The following SLC45A4 variants were observed in gnomAD, a reference collection of about 807,000 sequenced individuals.
SLC45A4 encodes the protein polyamine-transporter SLC45A4.
SLC45A4 carries 32 observed loss-of-function variants against 63.7 expected under a neutral mutation model. That is an observed-to-expected ratio of 0.50 (90% CI 0.38 to 0.67). The LOEUF is 0.67. SLC45A4 is among the 30% of genes least tolerant of loss of function. The probability of loss-of-function intolerance (pLI) is 0.00; values close to 1 mark genes in which losing one functional copy is unlikely to be tolerated. For synonymous variants in SLC45A4, 535 were observed against 510.0 expected (o/e 1.05, Z -0.66); for missense variants, 1,027 against 1,157.7 (o/e 0.89, Z 1.64).
At chr8:141,308,006 G>T (rs1004931695) in intron 1 of SLC45A4, 90 bp downstream of exon 1, 1 of 152,564 alleles carries the variant, frequency 6.6e-6, no homozygotes, top group Non-Finnish European at 1.5e-5. Flanking sequence ...TGTGCGGGAG[G>T]TGGGGGTGGG....
chr8:141,299,468 T>C (rs111825517), intron 1 of SLC45A4, among the ~76,000 whole-genome samples: 35 of 152,342 alleles, frequency 2.3e-4, no homozygotes, highest in Non-Finnish European at 2.9e-5. Context: ...CCACCTGAGC[T>C]GTGGGTGTCG....
chr8:141,231,093 T>C (rs1827324291), intron 2 of SLC45A4, among the ~76,000 whole-genome samples: 1 of 152,030 alleles, frequency 6.6e-6, no homozygotes, highest in South Asian at 2.1e-4. Flanking sequence ...AACACTAGTG[T>C]GGGAGAAGCC....
chr8:141,239,194 C>G (rs1386475687), intron 2 of SLC45A4, among the ~76,000 whole-genome samples: 1 of 152,112 alleles, frequency 6.6e-6, no homozygotes. Flanking sequence ...ATTATTCCTG[C>G]CAAAAAGGAA....
intron 1 of SLC45A4, among the ~76,000 whole-genome samples, chr8:141,287,411 C>A (rs540236001): frequency 6.6e-6 from 1 of 152,162 alleles, no homozygotes; most frequent in Non-Finnish European, 1.5e-5. Flanking sequence ...ATAACCCACA[C>A]GCAGGGCACG....
intron 2 of SLC45A4, among the ~76,000 whole-genome samples, chr8:141,242,006 G>T (rs1827942630): frequency 6.6e-6 from 1 of 152,184 alleles, no homozygotes; most frequent in Admixed American, 6.5e-5. Context: ...CGAATCTCCA[G>T]GTCAGACAGA....
intron 1 of SLC45A4, among the ~76,000 whole-genome samples, chr8:141,297,935 CA>C (rs5895660): frequency 0.94 from 138,789 of 147,928 alleles, 65,621 homozygotes; most frequent in East Asian, 1. Context: ...CCCAAAATTG[CA>C]AAAAAAAAAA....
chr8:141,307,809 G>A (rs1266010959), intron 1 of SLC45A4, among the ~76,000 whole-genome samples: 1 of 133,000 alleles, frequency 7.5e-6, no homozygotes, highest in Non-Finnish European at 1.7e-5. Context: ...CGGGGTGGGG[G>A]CCGGGGTGGG....
At chr8:141,305,776 G>T (rs1830879616) in intron 1 of SLC45A4, among the ~76,000 whole-genome samples, 1 of 151,876 alleles carries the variant, frequency 6.6e-6, no homozygotes, top group Admixed American at 6.6e-5. Flanking sequence ...GAACCCCTGC[G>T]CTGCACTCCT....
intron 2 of SLC45A4, among the ~76,000 whole-genome samples, chr8:141,235,412 A>G (rs1352949962): frequency 6.6e-6 from 1 of 152,206 alleles, no homozygotes; most frequent in African/African-American, 2.4e-5. Context: ...CTCGGCTGTC[A>G]TGGTCTAGCA....
intron 2 of SLC45A4, among the ~76,000 whole-genome samples, chr8:141,252,123 G>A (rs1569558758): frequency 6.6e-6 from 1 of 151,288 alleles, no homozygotes; most frequent in Admixed American, 6.6e-5. Context: ...AGAATAAAAC[G>A]GATGCTTCTA....
In SLC45A4 at chr8:141,211,578, G is replaced by C. The variant is rs766780625; in HGVS notation, c.2421C>G (p.Phe807Leu). The change falls in exon 9 of 9, where the codon TTC (phenylalanine) becomes TTG (leucine). Residue 807 changes from phenylalanine (F) to leucine (L), a missense_variant. Physicochemically the swap from Phe to Leu is conservative, Grantham distance 22 (BLOSUM62 0). Coordinates refer to ENST00000517878, the MANE Select transcript of SLC45A4 (RefSeq NM_001286646.2). Reference sequence around the variant, plus strand: ...AAGAAGATACGTCATTCTTCTAAGAGAACCACATTGTGGAAAAGAAAATTT... The same window carrying C: ...AAGAAGATACGTCATTCTTCTAAGACAACCACATTGTGGAAAAGAAAATTT... Reference protein sequence around the residue: ...RKKIFFSTMWFS With the variant: ...RKKIFFSTMWLS The C allele has an allele frequency of 7.4e-6, 12 of 1,612,936 alleles. No homozygotes were observed. The highest frequency in any genetic ancestry group is 1.3e-5 in the African/African-American group (1 of 74,896).
intron 2 of SLC45A4, chr8:141,228,410 C>T (rs1184308800): frequency 1.0e-5 from 15 of 1,440,974 alleles, no homozygotes; most frequent in Non-Finnish European, 7.3e-6. Context: ...GCTGGCGCTC[C>T]AGAAAGCCAG....
intron 2 of SLC45A4, among the ~76,000 whole-genome samples, chr8:141,236,257 C>T (rs1188757655): frequency 2.0e-5 from 3 of 152,286 alleles, no homozygotes; most frequent in Middle Eastern, 3.4e-3. Flanking sequence ...AACATGTAGG[C>T]GTCCAGAGAA....
chr8:141,220,450 G>A lies in SLC45A4; in HGVS notation c.431-621C>T, dbSNP rs144660847. Among the ~76,000 whole-genome samples, 13 of 152,270 alleles carry A rather than the reference G, an allele frequency of 8.5e-5. No individual in the cohort carries two copies. In the East Asian group the frequency reaches 1.9e-3, roughly 23 times the overall value. On this transcript the variant is annotated intron_variant, in intron 3 of 8. Transcript: ENST00000517878. ...ACGAGTCCTCCTGCAGTGGGCTGCC[G>A]GCACTCAAAAGCAGTCCCACCCATG...
intron 2 of SLC45A4, among the ~76,000 whole-genome samples, chr8:141,224,061 G>C (rs1463174920): frequency 6.6e-6 from 1 of 151,452 alleles, no homozygotes; most frequent in Non-Finnish European, 1.5e-5. Context: ...AATGCTCTTG[G>C]ATTCTGTCTG....
chr8:141,221,753 T>C lies in SLC45A4; in HGVS notation c.254A>G (p.Gln85Arg), dbSNP rs1826649475. The C allele has an allele frequency of 1.2e-6, 2 of 1,613,170 alleles. No homozygotes were observed. The highest frequency in any genetic ancestry group is 1.7e-6 in the Non-Finnish European group (2 of 1,179,708). ...PILLQIGLPE[Q>R]YYSLTWFLSP... ...CAGGAACCAGGTGAGGCTGTAGTACTGCTCCGGAAGGCCTGCAAGGGACAC... is the reference window on the plus strand; with the variant it reads ...CAGGAACCAGGTGAGGCTGTAGTACCGCTCCGGAAGGCCTGCAAGGGACAC... The change falls in exon 3 of 9, where the codon CAG (glutamine) becomes CGG (arginine). Residue 85 changes from glutamine to arginine, a missense_variant. Physicochemically the swap from Gln to Arg is conservative, Grantham distance 43. Coordinates refer to ENST00000517878, the MANE Select transcript of SLC45A4 (RefSeq NM_001286646.2).
chr8:141,255,285 C>G (rs1354357577), intron 1 of SLC45A4, among the ~76,000 whole-genome samples: 1 of 152,088 alleles, frequency 6.6e-6, no homozygotes, highest in East Asian at 1.9e-4. Context: ...ATTACATTGA[C>G]CTGGCTGGTA....
rs140465451 is a variant in SLC45A4 at position 141,234,995 on chromosome 8, T to C, written c.242-13230A>G. Among the ~76,000 whole-genome samples, 26 of 152,328 alleles carry C rather than the reference T, an allele frequency of 1.7e-4. No individual in the cohort carries two copies. The East Asian group carries it at 4.8e-3, about 28-fold the overall frequency. ...CGAGGACAGGAATGCGCCCGCTACC[T>C]AGCAGGTGCTCGGAAGGCACTCTGC... is the stretch of plus-strand genomic sequence containing the variant. On this transcript the variant is annotated intron_variant, in intron 2 of 8. Coordinates refer to ENST00000517878, the MANE Select transcript of SLC45A4 (RefSeq NM_001286646.2).
intron 1 of SLC45A4, among the ~76,000 whole-genome samples, chr8:141,255,026 G>A (rs1327309035): frequency 6.6e-6 from 1 of 152,192 alleles, no homozygotes; most frequent in African/African-American, 2.4e-5. Context: ...TGAAAGGGAA[G>A]TAAGGAGGTG....
Sources: allele counts gnomAD v4.1 joint callset (sites outside exome capture counted in the v4.1 genomes callset), GRCh38; gene constraint gnomAD v4.1.1; transcripts MANE v1.5; gene names NCBI Gene and HGNC (gene_info 2026-07-23, HGNC 2026-07-21).